Variants in DSCAM observed in about 807,000 individuals in gnomAD.
The protein encoded by DSCAM is DS cell adhesion molecule.
Under a neutral mutation model 217.7 loss-of-function variants are expected in DSCAM, and 47 were observed. The ratio of observed to expected loss-of-function variants is 0.22; its 90% CI spans 0.17 to 0.28. DSCAM has a LOEUF of 0.28. Ranked by LOEUF, DSCAM falls within the 10% of genes least tolerant of loss-of-function variation. The pLI, the probability that DSCAM is intolerant of heterozygous loss-of-function variation, is 1.00. For synonymous variants in DSCAM, 1,056 were observed against 1,015.3 expected (o/e 1.04, Z -0.76); for missense variants, 2,080 against 2,618.3 (o/e 0.79, Z 4.49).
At chr21:40,494,841 A>G (rs1439602129) in intron 3 of DSCAM, among the ~76,000 whole-genome samples, 2 of 151,816 alleles carry the variant, frequency 1.3e-5, no homozygotes, top group Non-Finnish European at 2.9e-5. Flanking sequence ...TTTTTCAAAA[A>G]TAGAACCAAC....
intron 30 of DSCAM, among the ~76,000 whole-genome samples, chr21:40,047,698 G>A (rs1434261427): frequency 6.6e-6 from 1 of 152,122 alleles, no homozygotes; most frequent in Admixed American, 6.6e-5. Flanking sequence ...TTTACATAAC[G>A]AATTTACTAG....
chr21:40,765,653 G>T (rs906046135), intron 1 of DSCAM, among the ~76,000 whole-genome samples: 1 of 152,154 alleles, frequency 6.6e-6, no homozygotes, highest in Admixed American at 6.5e-5. Context: ...TTCACACCTG[G>T]TAACATTTGT....
intron 3 of DSCAM, among the ~76,000 whole-genome samples, chr21:40,454,163 C>A (rs752810013): frequency 2.0e-5 from 3 of 152,178 alleles, no homozygotes; most frequent in Admixed American, 6.5e-5. Flanking sequence ...TTTTTCTAAT[C>A]TATATCAAAT....
At chr21:40,294,813 T>G (rs2073935295) in intron 10 of DSCAM, among the ~76,000 whole-genome samples, 1 of 152,228 alleles carries the variant, frequency 6.6e-6, no homozygotes, top group East Asian at 1.9e-4. Context: ...TAAAAAGTCA[T>G]GGGGGCAGAG....
At chr21:40,605,427 G>C (rs73368926) in intron 3 of DSCAM, among the ~76,000 whole-genome samples, 5,243 of 152,170 alleles carry the variant, frequency 0.034, 249 homozygotes, top group African/African-American at 0.1. Context: ...AAGCTCTCTG[G>C]GTGCCCTCGC....
At chr21:40,818,143 T>C (rs2091898098) in intron 1 of DSCAM, among the ~76,000 whole-genome samples, 1 of 136,206 alleles carries the variant, frequency 7.3e-6, no homozygotes, top group Non-Finnish European at 1.6e-5. Flanking sequence ...CTCCCGGTGA[T>C]GAAAGCTCCT....
At chr21:40,728,914 C>A (rs1399382165) in intron 1 of DSCAM, among the ~76,000 whole-genome samples, 2 of 152,092 alleles carry the variant, frequency 1.3e-5, no homozygotes, top group Non-Finnish European at 2.9e-5. Flanking sequence ...GTCAGCAAAG[C>A]ACCAAGATGC....
chr21:40,224,530 GA>G (rs2091314569), intron 11 of DSCAM, among the ~76,000 whole-genome samples: 1 of 152,216 alleles, frequency 6.6e-6, no homozygotes, highest in Non-Finnish European at 1.5e-5. Flanking sequence ...AGAGCTCTAT[GA>G]TGGGGAAAGA....
chr21:40,682,696 AG>A (rs772666457), intron 3 of DSCAM, among the ~76,000 whole-genome samples: 2 of 4,016 alleles, frequency 5.0e-4, no homozygotes, highest in Non-Finnish European at 4.8e-4. Context: ...AAGGGAGCGG[AG>A]GGGAAGGGAG....
At chr21:40,063,550 T>G (rs2089157745) in intron 27 of DSCAM, among the ~76,000 whole-genome samples, 2 of 152,184 alleles carry the variant, frequency 1.3e-5, no homozygotes, top group Non-Finnish European at 2.9e-5. Context: ...AAAATATAAT[T>G]TATTCTTTTT....
chr21:40,265,544 C>A (rs1025203359), intron 11 of DSCAM, among the ~76,000 whole-genome samples: 14 of 151,296 alleles, frequency 9.3e-5, no homozygotes, highest in Admixed American at 4.0e-4. Context: ...CAAAGAAATC[C>A]GAAGCAAAAA....
At chr21:40,276,498 A>C (rs1032850908) in intron 10 of DSCAM, among the ~76,000 whole-genome samples, 1 of 152,250 alleles carries the variant, frequency 6.6e-6, no homozygotes, top group Non-Finnish European at 1.5e-5. Flanking sequence ...ATAAAAACTA[A>C]CAGAACTTAC....
intron 1 of DSCAM, among the ~76,000 whole-genome samples, chr21:40,752,007 T>C (rs1470936129): frequency 6.6e-6 from 1 of 152,152 alleles, no homozygotes; most frequent in African/African-American, 2.4e-5. Context: ...CACTATTCAT[T>C]GTTAGCTCTA....
chr21:40,295,956 C>T, intron 10 of DSCAM, 99 bp downstream of exon 10: 1 of 1,426,132 alleles, frequency 7.0e-7, no homozygotes, highest in Non-Finnish European at 9.5e-7. Context: ...TACGTATCTA[C>T]TTGCAAGAAA....
At chr21:40,154,194 TTCC>T in intron 16 of DSCAM, among the ~76,000 whole-genome samples, 4 of 151,656 alleles carry the variant, frequency 2.6e-5, no homozygotes, top group African/African-American at 9.7e-5. Context: ...CCTTCCTTCC[TTCC>T]TTCCTCCCTT....
intron 11 of DSCAM, among the ~76,000 whole-genome samples, chr21:40,218,052 T>C (rs1035609649): frequency 6.6e-6 from 1 of 152,228 alleles, no homozygotes; most frequent in African/African-American, 2.4e-5. Flanking sequence ...GCTTTTGGTA[T>C]CTTTTTCATG....
chr21:40,823,077 G>T (rs1299036790), intron 1 of DSCAM, among the ~76,000 whole-genome samples: 1 of 152,034 alleles, frequency 6.6e-6, no homozygotes, highest in South Asian at 2.1e-4. Context: ...TTGAACCCGG[G>T]AGGCAGAAGT....
At chr21:40,789,549 ATTGAT>A (rs2091620949) in intron 1 of DSCAM, among the ~76,000 whole-genome samples, 1 of 128,858 alleles carries the variant, frequency 7.8e-6, no homozygotes, top group Non-Finnish European at 1.6e-5. Flanking sequence ...CAAGGAGTAG[ATTGAT>A]TTTTTTTTTT....
chr21:40,480,133 C>T (rs370344520), intron 3 of DSCAM, among the ~76,000 whole-genome samples: 1 of 152,188 alleles, frequency 6.6e-6, no homozygotes, highest in Non-Finnish European at 1.5e-5. Context: ...GAAGGTCAAA[C>T]GCCATTTCTC....
Sources: gnomAD v4.1 joint callset for allele counts (sites outside exome capture counted in the v4.1 genomes callset) on GRCh38, gnomAD v4.1.1 for gene constraint, MANE v1.5 for transcripts, NCBI Gene and HGNC (gene_info 2026-07-23, HGNC 2026-07-21) for gene names.